Variants in RCCD1 observed in about 807,000 individuals in gnomAD.
RCCD1 encodes the protein RCC1 domain containing 1.
In RCCD1, 40 loss-of-function variants were observed where a neutral mutation model predicts 37.6. The ratio of observed to expected loss-of-function variants is 1.06; its 90% CI spans 0.83 to 1.39. The LOEUF (loss-of-function observed/expected upper bound fraction) is 1.39, where lower values mean the gene tolerates loss of function less well. Among genes scored for constraint, RCCD1 ranks in the 40% most tolerant of loss-of-function variants. The probability of loss-of-function intolerance (pLI) is 0.00; values close to 1 mark genes in which losing one functional copy is unlikely to be tolerated. For synonymous variants in RCCD1, 263 were observed against 230.0 expected (o/e 1.14, Z -1.30); for missense variants, 577 against 517.3 (o/e 1.12, Z -1.12).
Position 90,957,054 on chromosome 15 carries a change from C to A in RCCD1, c.167-59C>A. Reference sequence around the variant, plus strand: ...AATTCGACCCCTTCCCAGGAACACCCCGCTCCCCCCATCCCCGCCGCCTCC... The same window carrying A: ...AATTCGACCCCTTCCCAGGAACACCACGCTCCCCCCATCCCCGCCGCCTCC... On this transcript the variant is annotated intron_variant, in intron 2 of 7. Coordinates refer to ENST00000394258, the MANE Select transcript of RCCD1 (RefSeq NM_001017919.2). 3.1e-6 allele frequency: 4 copies of A among 1,302,598 alleles called. No homozygotes were observed. The South Asian group carries it at 9.4e-5, about 31-fold the overall frequency. 80.7% of individuals were successfully genotyped at this position (1,302,598 alleles called of 1,614,324 possible).
At position 90,956,693 on chromosome 15, in the gene RCCD1, C is replaced by T. The variant is rs2037200327; in HGVS notation, c.-42C>T. On this transcript the variant is annotated 5_prime_UTR_variant, in exon 2 of 8. Coordinates refer to ENST00000394258, the MANE Select transcript of RCCD1 (RefSeq NM_001017919.2). ...CTCTTCGCAAGAATCCCCCCGGGCC[C>T]GCCGCAGCCAGGCGGCGGCCGGCAG... 3.2e-6 allele frequency: 4 copies of T among 1,255,568 alleles called. No individual in the cohort carries two copies. Among genetic ancestry groups the T allele is most frequent in the South Asian group, 3.2e-5 (1 of 31,050 alleles). 77.8% of individuals were successfully genotyped at this position (1,255,568 alleles called of 1,614,324 possible).
chr15:90,957,019 G>T (rs1337458189), intron 2 of RCCD1, 94 bp from the exon 3 acceptor site: 1 of 1,290,226 alleles, frequency 7.8e-7, no homozygotes, highest in Non-Finnish European at 9.8e-7. Flanking sequence ...CACATTCTGG[G>T]TTGGTCCCCA....
intron 4 of RCCD1, among the ~76,000 whole-genome samples, chr15:90,958,641 A>G (rs1391689787): frequency 1.3e-5 from 2 of 150,740 alleles, no homozygotes; most frequent in Non-Finnish European, 3.0e-5. Flanking sequence ...AAAAAAAAAA[A>G]AAAAAAAAGA....
At position 90,962,890 on chromosome 15, in the gene RCCD1, T is replaced by C. The variant is rs1015665492; in HGVS notation, c.*1121T>C. ...CTCTTGGTATTACCAATTTTAATAC[T>C]TAGGTGATGCTTACTCCATGCCAGG... On this transcript the variant is annotated 3_prime_UTR_variant, in exon 8 of 8. Transcript: ENST00000394258. 1 of 152,226 alleles carries C rather than the reference T, an allele frequency of 6.6e-6. No individual in the cohort carries two copies. The highest frequency in any genetic ancestry group is 1.5e-5 in the Non-Finnish European group (1 of 68,034). 9.4% of individuals were successfully genotyped at this position (152,226 alleles called of 1,614,324 possible).
rs558988375 is a variant in RCCD1, at chr15:90,954,912, G to C, written c.-160G>C. On this transcript the variant is annotated 5_prime_UTR_variant, in exon 1 of 8. Coordinates refer to ENST00000394258, the MANE Select transcript of RCCD1 (RefSeq NM_001017919.2). ...TCCTGTTGGGGCATGAGTCCGGCGC[G>C]TGTCGGGTTTTGAGCTGCCGCGGTC... 2.2e-4 allele frequency: 33 copies of C among 152,490 alleles called. No individual in the cohort carries two copies. The highest frequency in any genetic ancestry group is 2.0e-3 in the Admixed American group (30 of 15,314). 9.4% of individuals were successfully genotyped at this position (152,490 alleles called of 1,614,324 possible).
rs1261421714 is a variant in RCCD1, at chr15:90,956,766, G to C, written c.32G>C (p.Gly11Ala). ...GAGGAGCGGCCGGGGGCCTGGTTCG[G>C]CTTCGGTTTCTGCGGCTTCGGGCAG... is the stretch of plus-strand genomic sequence containing the variant. MAEERPGAWF[G>A]FGFCGFGQEL... Residue 11 changes from glycine (G) to alanine (A), a missense_variant, in exon 2 of 8, where the codon GGC (glycine) becomes GCC (alanine). Physicochemically the swap from Gly to Ala is moderately conservative, Grantham distance 60. Transcript: ENST00000394258. The C allele has an allele frequency of 7.5e-6, 10 of 1,332,016 alleles. No individual in the cohort carries two copies. Among genetic ancestry groups the C allele is most frequent in the Non-Finnish European group, 9.6e-6 (10 of 1,040,608 alleles). The allele number at this position is 1,332,016 out of a possible 1,614,324, so 82.5% of individuals were successfully genotyped here.
chr15:90,957,399 C>T lies in RCCD1; in HGVS notation c.453C>T (p.Tyr151=). The change falls in exon 3 of 8, where the codon TAC becomes TAT. Residue 151 remains tyrosine, a synonymous_variant. Transcript: ENST00000394258. ...ACGTGAGCCCGCGGGCGCCCTTCTA[C>T]CGGCCTCTGGCTCCGGAGCTGCGGG... is the stretch of plus-strand genomic sequence containing the variant. ...RAYVSPRAPF[Y]RPLAPELRAR... is the part of the protein sequence containing the mutation. The T allele has an allele frequency of 3.2e-6, 5 of 1,542,436 alleles. No homozygotes were observed. The highest frequency in any genetic ancestry group is 1.7e-4 in the Middle Eastern group (1 of 5,864).
At chr15:90,959,688 A>G in intron 4 of RCCD1, 1 of 421,264 alleles carries the variant, frequency 2.4e-6, no homozygotes, top group Admixed American at 4.0e-5. Flanking sequence ...TAGAAGGTCC[A>G]GTAAGGGACT....
Position 90,957,139 on chromosome 15 carries a change from T to C in RCCD1, c.193T>C (p.Ser65Pro). 1.5e-6 allele frequency: 2 copies of C among 1,359,626 alleles called. No individual in the cohort carries two copies. Among genetic ancestry groups the C allele is most frequent in the Non-Finnish European group, 1.9e-6 (2 of 1,062,518 alleles). The allele number at this position is 1,359,626 out of a possible 1,614,324, so 84.2% of individuals were successfully genotyped here. ...TGGAGGCCGCTTGGAGCTGTCGGGC[T>C]CAGCCAGCGGCGCGGCGGGCCGCTG... Reference protein sequence around the residue: ...TRGGRLELSGSASGAAGRCKD... With the variant: ...TRGGRLELSGPASGAAGRCKD... The change falls in exon 3 of 8, where the codon TCA becomes CCA. Residue 65 changes from serine to proline, a missense_variant. Transcript: ENST00000394258.
chr15:90,960,574 T>G, intron 6 of RCCD1, 76 bp downstream of exon 6: 2 of 1,432,378 alleles, frequency 1.4e-6, no homozygotes, highest in Non-Finnish European at 1.9e-6. Flanking sequence ...CGGAAAAACT[T>G]CTGTCTTAAG....
At chr15:90,960,528 A>T (rs1227151418) in intron 6 of RCCD1, 30 bp downstream of exon 6, 1 of 1,585,044 alleles carries the variant, frequency 6.3e-7, no homozygotes, top group Non-Finnish European at 8.6e-7. Flanking sequence ...ACTCTGCTCC[A>T]CTCGAGCTGG....
intron 5 of RCCD1, 150 bp from the exon 6 acceptor site, chr15:90,960,178 A>G: frequency 2.1e-6 from 2 of 951,074 alleles, no homozygotes; most frequent in South Asian, 1.6e-5. Flanking sequence ...CAGCAGTGCC[A>G]GCCCTGCCTG....
intron 6 of RCCD1, 28 bp downstream of exon 6, chr15:90,960,526 C>T: frequency 6.3e-7 from 1 of 1,587,584 alleles, no homozygotes. Context: ...GCACTCTGCT[C>T]CACTCGAGCT....
At position 90,960,325 on chromosome 15, in the gene RCCD1, A is replaced by C. The variant is rs761199575; in HGVS notation, c.779-3A>C. 1 of 1,592,950 alleles carries C rather than the reference A, an allele frequency of 6.3e-7. No individual in the cohort carries two copies. Among genetic ancestry groups the C allele is most frequent in the Non-Finnish European group, 8.6e-7 (1 of 1,169,172 alleles). ...TGTTCACATCATTATTATCATTCTG[A>C]AGCCACAGAACTGAATGAAGATGGT... On this transcript the variant is annotated splice_region_variant and splice_polypyrimidine_tract_variant and intron_variant, in intron 5 of 7. Coordinates refer to ENST00000394258, the MANE Select transcript of RCCD1 (RefSeq NM_001017919.2).
Position 90,960,447 on chromosome 15 carries a change from TCA to T in RCCD1, c.899_900del (p.Ser300Ter), listed in dbSNP as rs768676476. The T allele has an allele frequency of 1.9e-6, 3 of 1,613,048 alleles. No homozygotes were observed. The Admixed American group carries it at 5.0e-5, about 27-fold the overall frequency. ...FPALLDLPMG[S>X]DAVKASCGSR... ...GGCATTACTGGATCTCCCCATGGGC[TCA>T]GATGCAGTCAAGGCCAGCTGTGGAT... On this transcript the variant is annotated frameshift_variant, in exon 6 of 8. Coordinates refer to ENST00000394258, the MANE Select transcript of RCCD1 (RefSeq NM_001017919.2). LOFTEE classifies it high-confidence loss of function.
chr15:90,958,528 TG>T (rs895076964), intron 4 of RCCD1, among the ~76,000 whole-genome samples: 1 of 148,830 alleles, frequency 6.7e-6, no homozygotes, highest in African/African-American at 2.5e-5. Flanking sequence ...CTCGGGAGGC[TG>T]AGGCAGGAGA....
chr15:90,961,610 C>T lies in RCCD1; in HGVS notation c.980-8C>T, dbSNP rs1567170019. ...GAGACGATGGCAAAGGGGCTGATTT[C>T]ACTTTAGGTAAATATGGACAGCTGG... On this transcript the variant is annotated splice_polypyrimidine_tract_variant and splice_region_variant and intron_variant, in intron 7 of 7. Coordinates refer to ENST00000394258, the MANE Select transcript of RCCD1 (RefSeq NM_001017919.2). 2 of 1,609,684 alleles carry T rather than the reference C, an allele frequency of 1.2e-6. No homozygotes were observed. The highest frequency in any genetic ancestry group is 1.7e-5 in the Admixed American group (1 of 59,578).
intron 4 of RCCD1, among the ~76,000 whole-genome samples, chr15:90,959,057 T>C: frequency 6.6e-6 from 1 of 151,376 alleles, no homozygotes; most frequent in African/African-American, 2.4e-5. Flanking sequence ...AGGCCTTAAG[T>C]TTAGTGTAGA....
chr15:90,960,333 G>A lies in RCCD1; in HGVS notation c.784G>A (p.Glu262Lys), dbSNP rs776177411. The stretch of plus-strand genomic sequence containing the variant: ...TCATTATTATCATTCTGAAGCCACA[G>A]AACTGAATGAAGATGGTTCTCAGGT... ...DGETVAREAT[E>K]LNEDGSQVKR... The change falls in exon 6 of 8, where the codon GAA becomes AAA. Residue 262 changes from glutamate to lysine, a missense_variant. Physicochemically the swap from Glu to Lys is moderately conservative, Grantham distance 56. Coordinates refer to ENST00000394258, the MANE Select transcript of RCCD1 (RefSeq NM_001017919.2). 2.2e-5 allele frequency: 36 copies of A among 1,603,292 alleles called. No individual in the cohort carries two copies. Among genetic ancestry groups the A allele is most frequent in the Non-Finnish European group, 2.9e-5 (34 of 1,174,302 alleles).
Sources: allele counts gnomAD v4.1 joint callset (sites outside exome capture counted in the v4.1 genomes callset), GRCh38; gene constraint gnomAD v4.1.1; transcripts MANE v1.5; gene names NCBI Gene and HGNC (gene_info 2026-07-23, HGNC 2026-07-21).